FAT3: variants seen among roughly 807,000 people sequenced by gnomAD.
The protein encoded by FAT3 is FAT atypical cadherin 3, also known as protocadherin Fat 3.
Under a neutral mutation model 310.2 loss-of-function variants are expected in FAT3, and 95 were observed. That is an observed-to-expected ratio of 0.31 (90% CI 0.26 to 0.36). The LOEUF (loss-of-function observed/expected upper bound fraction) is 0.36, where lower values mean the gene tolerates loss of function less well. Ranked by LOEUF, FAT3 falls within the 10% of genes least tolerant of loss-of-function variation. FAT3 has a pLI of 1.00. For synonymous variants in FAT3, 2,314 were observed against 2,192.9 expected (o/e 1.06, Z -1.54); for missense variants, 5,408 against 5,715.6 (o/e 0.95, Z 1.74).
intron 1 of FAT3, among the ~76,000 whole-genome samples, chr11:92,344,997 C>A (rs1278225238): frequency 6.6e-6 from 1 of 152,138 alleles, no homozygotes; most frequent in Non-Finnish European, 1.5e-5. Context: ...GGAAGTTCTA[C>A]TTTAAGAAAC....
chr11:92,353,211 CCCA>C lies in FAT3; in HGVS notation c.1101_1103del (p.Thr368del). The C allele has an allele frequency of 6.2e-7, 1 of 1,613,664 alleles. No homozygotes were observed. Among genetic ancestry groups the C allele is most frequent in the East Asian group, 2.2e-5 (1 of 44,860 alleles). ...ATTAAAGGCAGTCTACATTGGCAAC[CCCA>C]CAAGAGACACTGTCCCCATTAGATT... On this transcript the variant is annotated inframe_deletion, in exon 2 of 28. Coordinates refer to ENST00000525166, the MANE Select transcript of FAT3 (RefSeq NM_001367949.2).
intron 2 of FAT3, among the ~76,000 whole-genome samples, chr11:92,411,133 ATATT>A (rs1950255895): frequency 9.1e-6 from 1 of 110,390 alleles, no homozygotes. Context: ...TATATATTAT[ATATT>A]ATATATATAA....
At chr11:92,387,255 G>T (rs775184474) in intron 2 of FAT3, among the ~76,000 whole-genome samples, 1 of 152,108 alleles carries the variant, frequency 6.6e-6, no homozygotes, top group African/African-American at 2.4e-5. Flanking sequence ...GAACTGGGAG[G>T]TGCATACAGC....
intron 3 of FAT3, among the ~76,000 whole-genome samples, chr11:92,681,413 T>C (rs1432281366): frequency 2.0e-5 from 3 of 152,204 alleles, no homozygotes; most frequent in Non-Finnish European, 4.4e-5. Context: ...AGGAGAAGGG[T>C]GTTGCCAAGG....
chr11:92,399,836 C>T (rs1243209938), intron 2 of FAT3, among the ~76,000 whole-genome samples: 1 of 152,196 alleles, frequency 6.6e-6, no homozygotes, highest in Non-Finnish European at 1.5e-5. Context: ...TGTAAACCTT[C>T]TGTAGCACTA....
Position 92,799,623 on chromosome 11 carries a change from C to T in FAT3, c.6610C>T (p.Pro2204Ser), listed in dbSNP as rs777771527. 6.2e-7 allele frequency: 1 copy of T among 1,613,756 alleles called. No homozygotes were observed. Among genetic ancestry groups the T allele is most frequent in the Non-Finnish European group, 8.5e-7 (1 of 1,179,818 alleles). ...SVNEDIRMNTPILSINATSPE... is the reference protein window; with the variant it reads ...SVNEDIRMNTSILSINATSPE... ...CAATGAAGACATCAGAATGAACACA[C>T]CCATCCTAAGCATCAATGCCACCAG... Residue 2204 changes from proline to serine, a missense_variant, in exon 10 of 28, where the codon CCC (proline) becomes TCC (serine). By Grantham distance (74) the Pro-to-Ser change is moderately conservative (BLOSUM62 -1). Coordinates refer to ENST00000525166, the MANE Select transcript of FAT3 (RefSeq NM_001367949.2).
intron 1 of FAT3, among the ~76,000 whole-genome samples, chr11:92,331,128 A>C (rs1947913301): frequency 6.6e-6 from 1 of 152,124 alleles, no homozygotes; most frequent in African/African-American, 2.4e-5. Context: ...TAAAATATAT[A>C]ATTAGGAGGG....
intron 2 of FAT3, among the ~76,000 whole-genome samples, chr11:92,460,576 A>T (rs72972460): frequency 0.032 from 4,863 of 152,292 alleles, 86 homozygotes; most frequent in African/African-American, 0.036. Context: ...AAACTTTCTA[A>T]AAACAGTATT....
At chr11:92,680,158 G>C (rs974908428) in intron 3 of FAT3, among the ~76,000 whole-genome samples, 3 of 150,726 alleles carry the variant, frequency 2.0e-5, no homozygotes, top group African/African-American at 7.3e-5. Flanking sequence ...ATGCTTTTGA[G>C]ATCTTGGCCA....
At chr11:92,574,435 TTGTGTGGCCTCTGC>T (rs1354732691) in intron 3 of FAT3, among the ~76,000 whole-genome samples, 1 of 152,104 alleles carries the variant, frequency 6.6e-6, no homozygotes, top group African/African-American at 2.4e-5. Context: ...GCCCTGTGTC[TTGTGTGGCCTCTGC>T]TGTGTGCCTC....
chr11:92,745,246 T>C (rs1302687461), intron 4 of FAT3, among the ~76,000 whole-genome samples: 1 of 152,200 alleles, frequency 6.6e-6, no homozygotes, highest in Non-Finnish European at 1.5e-5. Context: ...TGTGGAATAG[T>C]ATATCGACTA....
rs1413297054 is a variant in FAT3 at position 92,719,568 on chromosome 11, GT to G, written c.3669+22128del. The stretch of plus-strand genomic sequence containing the variant: ...ATACAGTGTAAATACCATGTAAATA[GT>G]TTTTATACTATATTACTTAGGAAAC... On this transcript the variant is annotated intron_variant, in intron 4 of 27. Coordinates refer to ENST00000525166, the MANE Select transcript of FAT3 (RefSeq NM_001367949.2). 4.7e-5 allele frequency among the ~76,000 whole-genome samples: 7 copies of G among 149,380 alleles called. No homozygotes were observed. The East Asian group carries it at 1.4e-3, about 29-fold the overall frequency.
chr11:92,239,822 C>T (rs993792183), intron 1 of FAT3, among the ~76,000 whole-genome samples: 1 of 152,088 alleles, frequency 6.6e-6, no homozygotes, highest in African/African-American at 2.4e-5. Flanking sequence ...ATAAAAGAGT[C>T]TTTGAATCAC....
chr11:92,679,113 G>T (rs564474010), intron 3 of FAT3, among the ~76,000 whole-genome samples: 2 of 152,008 alleles, frequency 1.3e-5, no homozygotes, highest in Admixed American at 6.6e-5. Context: ...CATCCATGTC[G>T]CTGCAAGAGA....
At chr11:92,598,629 CT>C (rs1335201866) in intron 3 of FAT3, among the ~76,000 whole-genome samples, 2 of 152,108 alleles carry the variant, frequency 1.3e-5, no homozygotes, top group African/African-American at 4.8e-5. Flanking sequence ...GGTTATGTAA[CT>C]TGTAAGATAT....
At chr11:92,437,113 A>G (rs1252062259) in intron 2 of FAT3, among the ~76,000 whole-genome samples, 1 of 152,186 alleles carries the variant, frequency 6.6e-6, no homozygotes, top group Non-Finnish European at 1.5e-5. Flanking sequence ...CAGAAATAGG[A>G]TGAAATCTTG....
At chr11:92,408,643 A>C (rs1292702984) in intron 2 of FAT3, among the ~76,000 whole-genome samples, 1 of 152,190 alleles carries the variant, frequency 6.6e-6, no homozygotes, top group Non-Finnish European at 1.5e-5. Context: ...CCAGGTTTGC[A>C]AGGACATTTC....
At chr11:92,236,486 C>A (rs763139431) in intron 1 of FAT3, among the ~76,000 whole-genome samples, 4 of 152,028 alleles carry the variant, frequency 2.6e-5, no homozygotes, top group Non-Finnish European at 5.9e-5. Flanking sequence ...GAATGTCCTA[C>A]TACAAAAAAT....
intron 1 of FAT3, among the ~76,000 whole-genome samples, chr11:92,337,233 G>T (rs1360145784): frequency 6.6e-6 from 1 of 152,144 alleles, no homozygotes; most frequent in Admixed American, 6.5e-5. Flanking sequence ...ACTTGATCTT[G>T]CAGAAATATG....
Sources: gnomAD v4.1 joint callset for allele counts (sites outside exome capture counted in the v4.1 genomes callset) on GRCh38, gnomAD v4.1.1 for gene constraint, MANE v1.5 for transcripts, NCBI Gene and HGNC (gene_info 2026-07-23, HGNC 2026-07-21) for gene names.